ARHGEF40: variants seen among roughly 807,000 people sequenced by gnomAD.
ARHGEF40 encodes the protein Rho guanine nucleotide exchange factor (GEF) 40.
In ARHGEF40, 98 loss-of-function variants were observed where a neutral mutation model predicts 165.9. The ratio of observed to expected loss-of-function variants is 0.59; its 90% confidence interval spans 0.50 to 0.70. ARHGEF40 has a LOEUF of 0.70. Ranked by LOEUF, ARHGEF40 falls within the 30% of genes least tolerant of loss-of-function variation. The pLI, the probability that ARHGEF40 is intolerant of heterozygous loss-of-function variation, is 0.00. For missense variants in ARHGEF40, 1,815 were observed against 1,968.0 expected (o/e 0.92, Z 1.47); for synonymous variants, 792 against 814.3 (o/e 0.97, Z 0.47).
chr14:21,084,947 G>A, intron 18 of ARHGEF40, 24 bp downstream of exon 18: 6 of 1,603,900 alleles, frequency 3.7e-6, no homozygotes, highest in Non-Finnish European at 5.1e-6. Flanking sequence ...AGTGAGTGGT[G>A]GAGGTGACAG....
chr14:21,079,988 CA>C (rs1887745567), intron 11 of ARHGEF40, among the ~76,000 whole-genome samples: 1 of 152,074 alleles, frequency 6.6e-6, no homozygotes, highest in Admixed American at 6.5e-5. Context: ...ACAACGTGGT[CA>C]GAAAGATCAA....
At position 21,070,768 on chromosome 14, in the gene ARHGEF40, G is replaced by T; in HGVS notation, c.3+369G>T. ...AGCTCCTTACCCGCGGGAGACCCCTGCGGGTTGGTCCTGCAGCGACCCTGG... is the reference window on the plus strand; with the variant it reads ...AGCTCCTTACCCGCGGGAGACCCCTTCGGGTTGGTCCTGCAGCGACCCTGG... On this transcript the variant is annotated intron_variant, in intron 1 of 23. Coordinates refer to ENST00000298694, the MANE Select transcript of ARHGEF40 (RefSeq NM_018071.5). The surrounding 1 kb of genome is among the most constrained non-coding windows in gnomAD (Gnocchi z 4.7). The T allele has an allele frequency of 6.6e-7, 1 of 1,523,162 alleles. No homozygotes were observed. The highest frequency in any genetic ancestry group is 1.4e-5 in the African/African-American group (1 of 72,834). 94.4% of individuals were successfully genotyped at this position (1,523,162 alleles called of 1,614,324 possible).
intron 12 of ARHGEF40, 26 bp downstream of exon 12, chr14:21,080,808 A>C (rs1594568515): frequency 2.5e-6 from 4 of 1,602,788 alleles, no homozygotes; most frequent in Non-Finnish European, 2.6e-6. Flanking sequence ...AGGGCAGGTG[A>C]GAGGAGGCAG....
rs1392332363 is a variant in ARHGEF40, at chr14:21,080,911, G to A, written c.2535G>A (p.Glu845=). 10 of 1,614,054 alleles carry A rather than the reference G, an allele frequency of 6.2e-6. No homozygotes were observed. The Admixed American group carries it at 1.7e-4, about 27-fold the overall frequency. The change falls in exon 13 of 24, where the codon GAG becomes GAA. Residue 845 remains glutamate (E), a synonymous_variant. Transcript: ENST00000298694. ...LAQAREALAL[E]ENATSQKVLD... ...AGGCACGGGAGGCCCTGGCTCTGGA[G>A]GAGAATGCCACCTCCCAGAAGGTGC... is the stretch of plus-strand genomic sequence containing the variant.
At position 21,076,910 on chromosome 14, in the gene ARHGEF40, C is replaced by T; in HGVS notation, c.2034+20C>T. 1 of 1,585,832 alleles carries T rather than the reference C, an allele frequency of 6.3e-7. No homozygotes were observed. The highest frequency in any genetic ancestry group is 8.7e-7 in the Non-Finnish European group (1 of 1,155,870). On this transcript the variant is annotated intron_variant, in intron 8 of 23. Coordinates refer to ENST00000298694, the MANE Select transcript of ARHGEF40 (RefSeq NM_018071.5). ...CACCAGGTAAGCTTCCCCTCTACCA[C>T]CTAGCATGCTGGGAGCCAGGAATAA...
intron 8 of ARHGEF40, among the ~76,000 whole-genome samples, chr14:21,077,645 A>G (rs1461647847): frequency 2.0e-5 from 3 of 152,204 alleles, no homozygotes; most frequent in African/African-American, 2.4e-5. Context: ...TCATCAGCGC[A>G]GTATAACAAT....
In ARHGEF40 at chr14:21,080,927, CAGA is replaced by C; in HGVS notation, c.2554_2556del (p.Lys852del). ...GGCTCTGGAGGAGAATGCCACCTCCCAGAAGGTGCTGGATATCTTTGAACAGCG... is the reference window on the plus strand; with the variant it reads ...GGCTCTGGAGGAGAATGCCACCTCCCAGGTGCTGGATATCTTTGAACAGCG... On this transcript the variant is annotated inframe_deletion, in exon 13 of 24. Coordinates refer to ENST00000298694, the MANE Select transcript of ARHGEF40 (RefSeq NM_018071.5). The C allele has an allele frequency of 6.2e-7, 1 of 1,614,190 alleles. No homozygotes were observed.
At position 21,082,340 on chromosome 14, in the gene ARHGEF40, G is replaced by A. The variant is rs61746329; in HGVS notation, c.3348G>A (p.Thr1116=). ...TGCCACCCCCTGGGCCTGAGCTGAC[G>A]CCTGAACTTCGGGGCACCTGGGCTG... ...EPVPPPGPEL[T]PELRGTWAAA... Residue 1116 remains threonine (T), a synonymous_variant, in exon 15 of 24, where the codon ACG becomes ACA. Transcript: ENST00000298694. The A allele has an allele frequency of 3.6e-3, 5,725 of 1,612,404 alleles. 189 individuals carry two copies. The African/African-American group carries it at 0.067, about 19-fold the overall frequency.
In ARHGEF40 at chr14:21,073,086, C is replaced by G; in HGVS notation, c.45C>G (p.Ala15=). 1 of 1,614,168 alleles carries G rather than the reference C, an allele frequency of 6.2e-7. No individual in the cohort carries two copies. The highest frequency in any genetic ancestry group is 8.5e-7 in the Non-Finnish European group (1 of 1,180,020). The change falls in exon 2 of 24, where the codon GCC becomes GCG. Residue 15 remains alanine (A), a synonymous_variant. Coordinates refer to ENST00000298694, the MANE Select transcript of ARHGEF40 (RefSeq NM_018071.5). The surrounding 1 kb of genome is among the most constrained non-coding windows in gnomAD (Gnocchi z 4.6). ...PVEDCVQSTL[A]ALYPPFEATA... ...AGGACTGTGTGCAGAGCACTCTCGC[C>G]GCCCTGTATCCACCCTTTGAGGCAA...
chr14:21,070,382 G>A lies in ARHGEF40; in HGVS notation c.-15G>A. On this transcript the variant is annotated 5_prime_UTR_variant, in exon 1 of 24. Transcript: ENST00000298694. This position sits in a 1 kb window ranked among gnomAD's most constrained non-coding sequence, Gnocchi z 4.7. ...CCCGCCCGACCAAGCGTCGGACGCG[G>A]CCCGGCGCCGAGCCATGGTGAGTCC... 7.1e-7 allele frequency: 1 copy of A among 1,411,020 alleles called. No individual in the cohort carries two copies. Among genetic ancestry groups the A allele is most frequent in the South Asian group, 1.5e-5 (1 of 65,644 alleles). 87.4% of individuals were successfully genotyped at this position (1,411,020 alleles called of 1,614,324 possible). A position where few individuals can be genotyped will look rare whatever the true frequency, so the allele number is the denominator to read the frequency against.
rs1462393600 is a variant in ARHGEF40 at position 21,090,179 on chromosome 14, A to C, written c.*1171A>C. On this transcript the variant is annotated 3_prime_UTR_variant, in exon 24 of 24. Transcript: ENST00000298694. The surrounding 1 kb of genome is among the most constrained non-coding windows in gnomAD (Gnocchi z 4.4). ...CGTCTACAGGGCCCCTGATGGGGCT[A>C]GAAGGGTACAGTGCCCCCCACCCTC... 1 of 525,104 alleles carries C rather than the reference A, an allele frequency of 1.9e-6. No individual in the cohort carries two copies. The highest frequency in any genetic ancestry group is 3.7e-6 in the Non-Finnish European group (1 of 271,490). 32.5% of individuals were successfully genotyped at this position (525,104 alleles called of 1,614,324 possible).
chr14:21,086,852 G>A (rs1174775255), intron 19 of ARHGEF40, 149 bp from the exon 20 acceptor site: 7 of 625,076 alleles, frequency 1.1e-5, no homozygotes, highest in Non-Finnish European at 1.7e-5. Flanking sequence ...TCAACAGAAG[G>A]AGTAAAAAGA....
chr14:21,073,185 G>A lies in ARHGEF40; in HGVS notation c.144G>A (p.Thr48=), dbSNP rs145877062. The part of the protein sequence containing the change: ...RTYREDALRY[T]LDFLVPAKHL... Reference sequence around the variant, plus strand: ...ATCGGGAGGACGCACTGAGGTACACGCTGGACTTCCTGGTACCAGCCAAGC... The same window carrying A: ...ATCGGGAGGACGCACTGAGGTACACACTGGACTTCCTGGTACCAGCCAAGC... The change falls in exon 2 of 24, where the codon ACG becomes ACA. Residue 48 remains threonine (T), a synonymous_variant. Coordinates refer to ENST00000298694, the MANE Select transcript of ARHGEF40 (RefSeq NM_018071.5). The surrounding 1 kb of genome is among the most constrained non-coding windows in gnomAD (Gnocchi z 4.6). 4.9e-5 allele frequency: 79 copies of A among 1,614,016 alleles called. No homozygotes were observed. The African/African-American group carries it at 5.5e-4, about 11-fold the overall frequency.
rs574674439 is a variant in ARHGEF40, at chr14:21,071,328, G to A, written c.3+929G>A. Among the ~76,000 whole-genome samples, 13 of 152,294 alleles carry A rather than the reference G, an allele frequency of 8.5e-5. No individual in the cohort carries two copies. In the South Asian group the frequency reaches 2.7e-3, roughly 32 times the overall value. On this transcript the variant is annotated intron_variant, in intron 1 of 23. Coordinates refer to ENST00000298694, the MANE Select transcript of ARHGEF40 (RefSeq NM_018071.5). Reference sequence around the variant, plus strand: ...TGCCAGAGAGAGCGCCCACTGCAAAGAGGGCGGGGGCATGGCCAAGGGGCC... The same window carrying A: ...TGCCAGAGAGAGCGCCCACTGCAAAAAGGGCGGGGGCATGGCCAAGGGGCC...
intron 10 of ARHGEF40, 150 bp downstream of exon 10, chr14:21,078,638 C>T (rs1887628655): frequency 2.1e-6 from 2 of 941,338 alleles, no homozygotes; most frequent in East Asian, 2.7e-5. Flanking sequence ...TCATAACCCT[C>T]ACAACATCCT....
chr14:21,077,021 A>C (rs1053118493), intron 8 of ARHGEF40, 131 bp downstream of exon 8: 1 of 666,832 alleles, frequency 1.5e-6, no homozygotes, highest in Non-Finnish European at 2.6e-6. Flanking sequence ...CATTCAATTC[A>C]ACAAGTATTT....
rs958625029 is a variant in ARHGEF40, at chr14:21,082,602, C to T, written c.3486+124C>T. On this transcript the variant is annotated intron_variant, in intron 15 of 23. Transcript: ENST00000298694. ...ATGTGTGGTCCATGACCTTGGGGCC[C>T]AGCCCTGTTCTGTGGGCACTTCTGC... 3.4e-5 allele frequency: 42 copies of T among 1,223,048 alleles called. 1 individual carries two copies. The South Asian group carries it at 6.6e-4, about 19-fold the overall frequency. 75.8% of individuals were successfully genotyped at this position (1,223,048 alleles called of 1,614,324 possible). A position where few individuals can be genotyped will look rare whatever the true frequency, so the allele number is the denominator to read the frequency against.
Position 21,082,333 on chromosome 14 carries a change from AG to A in ARHGEF40, c.3342del (p.Glu1114AspfsTer2). On this transcript the variant is annotated frameshift_variant, in exon 15 of 24. Transcript: ENST00000298694. LOFTEE classifies it high-confidence loss of function. ...LSEPVPPPGP[E>X]LTPELRGTWA... is the part of the protein sequence containing the mutation. The stretch of plus-strand genomic sequence containing the variant: ...GAGCCAGTGCCACCCCCTGGGCCTG[AG>A]CTGACGCCTGAACTTCGGGGCACCT... The A allele has an allele frequency of 6.2e-7, 1 of 1,612,834 alleles. No homozygotes were observed. Among genetic ancestry groups the A allele is most frequent in the Non-Finnish European group, 8.5e-7 (1 of 1,179,896 alleles).
At position 21,073,473 on chromosome 14, in the gene ARHGEF40, A is replaced by G. The variant is rs983821598; in HGVS notation, c.201+231A>G. Among the ~76,000 whole-genome samples the G allele has an allele frequency of 6.6e-6, 1 of 151,500 alleles. No homozygotes were observed. ...ACACACACACACATTCATCTTCCCCAAATTCATCTTGACCCCAATACTGAC... is the reference window on the plus strand; with the variant it reads ...ACACACACACACATTCATCTTCCCCGAATTCATCTTGACCCCAATACTGAC... On this transcript the variant is annotated intron_variant, in intron 2 of 23. Transcript: ENST00000298694. This position sits in a 1 kb window ranked among gnomAD's most constrained non-coding sequence, Gnocchi z 4.6.
Sources: gnomAD v4.1 joint callset for allele counts (sites outside exome capture counted in the v4.1 genomes callset) on GRCh38, gnomAD v4.1.1 for gene constraint, Gnocchi (gnomAD v3.1) non-coding constraint, MANE v1.5 for transcripts, NCBI Gene and HGNC (gene_info 2026-07-23, HGNC 2026-07-21) for gene names.